The following TMEM108 variants were observed in gnomAD, a reference collection of about 807,000 sequenced individuals.
The protein encoded by TMEM108 is cancer/testis antigen 124.
In TMEM108, 12 loss-of-function variants were observed where a neutral mutation model predicts 35.1. The ratio of observed to expected loss-of-function variants is 0.34; its 90% CI spans 0.22 to 0.55. The LOEUF (loss-of-function observed/expected upper bound fraction) is 0.55, where lower values mean the gene tolerates loss of function less well. TMEM108 is among the 20% of genes least tolerant of loss of function. The pLI, the probability that TMEM108 is intolerant of heterozygous loss-of-function variation, is 0.89. For synonymous variants in TMEM108, 287 were observed against 308.6 expected (o/e 0.93, Z 0.73); for missense variants, 680 against 753.3 (o/e 0.90, Z 1.14).
rs148272827 is a variant in TMEM108, at chr3:133,309,682, C to CT, written c.41-70034dup. The stretch of plus-strand genomic sequence containing the variant: ...TAGTTATGCGGGTTTGAGTGAGTTT[C>CT]TTTTTTTTTTTTTTTTTTTTTTTTT... On this transcript the variant is annotated intron_variant, in intron 3 of 5. Transcript: ENST00000321871. 2.6e-4 allele frequency among the ~76,000 whole-genome samples: 18 copies of CT among 69,196 alleles called. 1 individual carries two copies. The highest frequency in any genetic ancestry group is 1.1e-3 in the African/African-American group (18 of 17,096). 45.4% of individuals were successfully genotyped at this position (69,196 alleles called of 152,430 possible). A position where few individuals can be genotyped will look rare whatever the true frequency, so the allele number is the denominator to read the frequency against.
At chr3:133,149,992 T>C (rs1467089336) in intron 2 of TMEM108, among the ~76,000 whole-genome samples, 2 of 152,188 alleles carry the variant, frequency 1.3e-5, no homozygotes, top group Non-Finnish European at 2.9e-5. Flanking sequence ...TTCAGTTCTT[T>C]TGGATATATA....
At chr3:133,369,169 C>T (rs1311893123) in intron 3 of TMEM108, among the ~76,000 whole-genome samples, 3 of 152,132 alleles carry the variant, frequency 2.0e-5, no homozygotes, top group African/African-American at 2.4e-5. Flanking sequence ...AAGGTCTCTG[C>T]GGGGAAGAGT....
chr3:133,256,234 T>G (rs919915132), intron 3 of TMEM108, among the ~76,000 whole-genome samples: 20 of 152,148 alleles, frequency 1.3e-4, no homozygotes, highest in African/African-American at 4.6e-4. Flanking sequence ...GATCAAATAA[T>G]CATTAAAGCA....
chr3:133,070,745 A>ATGTG (rs10530634), intron 2 of TMEM108, among the ~76,000 whole-genome samples: 3,966 of 148,282 alleles, frequency 0.027, 144 homozygotes, highest in African/African-American at 0.078. Context: ...TCTCTGATGT[A>ATGTG]TGTGTGTGTG....
chr3:133,132,720 A>G (rs1320787259), intron 2 of TMEM108, among the ~76,000 whole-genome samples: 1 of 152,170 alleles, frequency 6.6e-6, no homozygotes, highest in Non-Finnish European at 1.5e-5. Context: ...TCATAAGGCT[A>G]TAATTGCCAT....
At chr3:133,145,708 T>C (rs900863055) in intron 2 of TMEM108, among the ~76,000 whole-genome samples, 2 of 152,210 alleles carry the variant, frequency 1.3e-5, no homozygotes, top group African/African-American at 2.4e-5. Context: ...TTCCTAGGTA[T>C]TTTATTCTCT....
At chr3:133,043,373 A>T (rs1943297758) in intron 1 of TMEM108, among the ~76,000 whole-genome samples, 1 of 152,176 alleles carries the variant, frequency 6.6e-6, no homozygotes, top group African/African-American at 2.4e-5. Context: ...TTAGGGTGGA[A>T]GAGTGTTAGG....
intron 2 of TMEM108, among the ~76,000 whole-genome samples, chr3:133,049,404 C>G (rs1268129487): frequency 6.6e-6 from 1 of 152,138 alleles, no homozygotes; most frequent in Non-Finnish European, 1.5e-5. Flanking sequence ...GGGAGTATGT[C>G]CATCATCAGA....
At chr3:133,092,186 A>G (rs1323496792) in intron 2 of TMEM108, among the ~76,000 whole-genome samples, 1 of 152,188 alleles carries the variant, frequency 6.6e-6, no homozygotes, top group Non-Finnish European at 1.5e-5. Flanking sequence ...GATTTTATAA[A>G]CAGTTTAGTA....
At position 133,380,804 on chromosome 3, in the gene TMEM108, G is replaced by A. The variant is rs79118437; in HGVS notation, c.1093G>A (p.Asp365Asn). Residue 365 changes from aspartate to asparagine, a missense_variant, in exon 4 of 6, where the codon GAT becomes AAT. By Grantham distance (23) the Asp-to-Asn change is conservative. Coordinates refer to ENST00000321871, the MANE Select transcript of TMEM108 (RefSeq NM_023943.4). This position sits in a 1 kb window ranked among gnomAD's most constrained non-coding sequence, Gnocchi z 5.3. Reference protein sequence around the residue: ...AATGPTPAAFDTSVSAPSQGI... With the variant: ...AATGPTPAAFNTSVSAPSQGI... ...CACGGGGCCCACCCCAGCTGCCTTC[G>A]ATACCAGTGTCTCAGCCCCTTCCCA... 8.7e-6 allele frequency: 14 copies of A among 1,614,128 alleles called. No homozygotes were observed. Among genetic ancestry groups the A allele is most frequent in the South Asian group, 2.2e-5 (2 of 91,076 alleles).
intron 3 of TMEM108, among the ~76,000 whole-genome samples, chr3:133,308,981 C>T (rs2071085555): frequency 6.6e-6 from 1 of 152,142 alleles, no homozygotes; most frequent in Admixed American, 6.5e-5. Context: ...GCTCTGAATC[C>T]ATCTGGTCCT....
chr3:133,392,198 C>T (rs951991343), intron 5 of TMEM108, among the ~76,000 whole-genome samples: 2 of 151,604 alleles, frequency 1.3e-5, no homozygotes, highest in Non-Finnish European at 2.9e-5. Flanking sequence ...GTCTCAACTC[C>T]GTTGCCCAGA....
chr3:133,348,129 A>G (rs1193263062), intron 3 of TMEM108, among the ~76,000 whole-genome samples: 2 of 152,064 alleles, frequency 1.3e-5, no homozygotes, highest in African/African-American at 4.8e-5. Flanking sequence ...GGGGGGCCAG[A>G]TTTGCTTTAC....
intron 2 of TMEM108, among the ~76,000 whole-genome samples, chr3:133,094,486 A>G (rs1413035557): frequency 2.6e-5 from 4 of 152,120 alleles, no homozygotes; most frequent in Non-Finnish European, 5.9e-5. Flanking sequence ...ATAAATAAAT[A>G]CATGCCTGGC....
rs578001521 is a variant in TMEM108 at position 133,202,884 on chromosome 3, G to T, written c.-46-26382G>T. 9.2e-5 allele frequency among the ~76,000 whole-genome samples: 14 copies of T among 152,296 alleles called. No homozygotes were observed. The East Asian group carries it at 2.7e-3, about 29-fold the overall frequency. On this transcript the variant is annotated intron_variant, in intron 2 of 5. Coordinates refer to ENST00000321871, the MANE Select transcript of TMEM108 (RefSeq NM_023943.4). ...TTGAATCTATAAATTACTTTTGGCA[G>T]TATGGCCATTTTCATGATATTGATT...
At chr3:133,219,504 G>A (rs538410499) in intron 2 of TMEM108, among the ~76,000 whole-genome samples, 12 of 151,910 alleles carry the variant, frequency 7.9e-5, no homozygotes, top group African/African-American at 2.4e-4. Flanking sequence ...TCTTAGAACC[G>A]CTTTTGTTTT....
intron 3 of TMEM108, among the ~76,000 whole-genome samples, chr3:133,322,406 C>T (rs2107720352): frequency 6.6e-6 from 1 of 152,148 alleles, no homozygotes; most frequent in Middle Eastern, 3.4e-3. Context: ...TTTACATGCA[C>T]AAACTAGAAA....
At chr3:133,393,701 G>C (rs577679489) in intron 5 of TMEM108, among the ~76,000 whole-genome samples, 1 of 152,142 alleles carries the variant, frequency 6.6e-6, no homozygotes, top group Admixed American at 6.5e-5. Flanking sequence ...CTTGACAAAG[G>C]GGCTGGTCCT....
chr3:133,344,553 CA>C lies in TMEM108; in HGVS notation c.41-35190del, dbSNP rs562559452. Among the ~76,000 whole-genome samples the C allele has an allele frequency of 3.7e-3, 534 of 145,388 alleles. 4 individuals carry two copies. Among genetic ancestry groups the C allele is most frequent in the South Asian group, 0.029 (133 of 4,590 alleles). On this transcript the variant is annotated intron_variant, in intron 3 of 5. Coordinates refer to ENST00000321871, the MANE Select transcript of TMEM108 (RefSeq NM_023943.4). ...AGATAAATTACCTATTAATTCAGCCCAAAAAAAAATCAAAAGATAACAAAAT... is the reference window on the plus strand; with the variant it reads ...AGATAAATTACCTATTAATTCAGCCCAAAAAAAATCAAAAGATAACAAAAT...
Sources: gnomAD v4.1 joint callset for allele counts (sites outside exome capture counted in the v4.1 genomes callset) on GRCh38, gnomAD v4.1.1 for gene constraint, Gnocchi (gnomAD v3.1) non-coding constraint, MANE v1.5 for transcripts, NCBI Gene and HGNC (gene_info 2026-07-23, HGNC 2026-07-21) for gene names.